Variants in PSMD8 observed in about 807,000 individuals in gnomAD.
PSMD8 encodes proteasome 26S subunit, non-ATPase 8, also known as 26S proteasome non-ATPase regulatory subunit 8.
Under a neutral mutation model 40.0 loss-of-function variants are expected in PSMD8, and 30 were observed. That is an observed-to-expected ratio of 0.75 (90% CI 0.56 to 1.02). The LOEUF (loss-of-function observed/expected upper bound fraction) is 1.02. PSMD8 is among the 50% of genes least tolerant of loss of function. The pLI, the probability that PSMD8 is intolerant of heterozygous loss-of-function variation, is 0.00. For synonymous variants in PSMD8, 208 were observed against 192.5 expected, an observed-to-expected ratio of 1.08 and a Z score of -0.67; for missense variants, 461 against 463.9, an observed-to-expected ratio of 0.99 and a Z score of 0.06.
At position 38,379,414 on chromosome 19, in the gene PSMD8, G is replaced by A. The variant is rs760574213; in HGVS notation, c.702+9G>A. On this transcript the variant is annotated intron_variant, in intron 4 of 6. Transcript: ENST00000215071. Reference sequence around the variant, plus strand: ...CAGTGTCCCTGGAGCAAGTGAGATGGCAAGGGGCAGGGGAGGACCTGGCCA... The same window carrying A: ...CAGTGTCCCTGGAGCAAGTGAGATGACAAGGGGCAGGGGAGGACCTGGCCA... The A allele has an allele frequency of 4.8e-5, 78 of 1,613,606 alleles. No homozygotes were observed. Among genetic ancestry groups the A allele is most frequent in the Non-Finnish European group, 6.1e-5 (72 of 1,179,800 alleles).
At chr19:38,375,792 C>T (rs1489395385) in intron 1 of PSMD8, among the ~76,000 whole-genome samples, 2 of 152,082 alleles carry the variant, frequency 1.3e-5, no homozygotes, top group Non-Finnish European at 2.9e-5. Context: ...ATTTGGACCT[C>T]CCCCTCCCAG....
At chr19:38,378,182 C>T (rs949975291) in intron 3 of PSMD8, among the ~76,000 whole-genome samples, 10 of 152,058 alleles carry the variant, frequency 6.6e-5, no homozygotes, top group African/African-American at 2.2e-4. Context: ...GCCAACATGG[C>T]GAAATCCTGT....
intron 4 of PSMD8, 111 bp downstream of exon 4, chr19:38,379,516 G>A (rs536617810): frequency 2.5e-5 from 30 of 1,184,386 alleles, no homozygotes; most frequent in South Asian, 5.7e-5. Context: ...TTCCACCCAC[G>A]GACCCATCCT....
Position 38,374,627 on chromosome 19 carries a change from G to C in PSMD8, c.26G>C (p.Arg9Thr). 1 of 1,505,430 alleles carries C rather than the reference G, an allele frequency of 6.6e-7. No homozygotes were observed. The highest frequency in any genetic ancestry group is 8.8e-7 in the Non-Finnish European group (1 of 1,134,024). The allele number at this position is 1,505,430 out of a possible 1,614,324, so 93.3% of individuals were successfully genotyped here. The change falls in exon 1 of 7, where the codon AGG becomes ACG. Residue 9 changes from arginine to threonine, a missense_variant. Arg to Thr is a moderately conservative substitution (Grantham distance 71). Around this residue, in one of 2 missense-constraint regions of PSMD8, gnomAD observed 225 missense variants for 142.7 expected, o/e 1.58. Transcript: ENST00000215071. ...ATGTTCATTAAGGGCAGGGCTCCGAGGGCGCCACCTCGAGAGCGACGGCGG... is the reference window on the plus strand; with the variant it reads ...ATGTTCATTAAGGGCAGGGCTCCGACGGCGCCACCTCGAGAGCGACGGCGG... MFIKGRAPRAPPRERRRAT... is the reference protein window; with the variant it reads MFIKGRAPTAPPRERRRAT...
At chr19:38,375,267 A>C in intron 1 of PSMD8, 1 of 363,994 alleles carries the variant, frequency 2.7e-6, no homozygotes, top group Non-Finnish European at 5.0e-6. Flanking sequence ...ACATAGCGAG[A>C]CTCTGTCTCT....
At chr19:38,374,985 C>G in intron 1 of PSMD8, 24 bp downstream of exon 1, 1 of 1,541,486 alleles carries the variant, frequency 6.5e-7, no homozygotes, top group Non-Finnish European at 8.7e-7. Context: ...GCCCAGGAAA[C>G]CGAGTGTTGC....
At chr19:38,375,050 AG>A in intron 1 of PSMD8, 89 bp downstream of exon 1, 1 of 1,505,104 alleles carries the variant, frequency 6.6e-7, no homozygotes, top group South Asian at 1.3e-5. Flanking sequence ...GGGCCGCGGA[AG>A]CCACCTCGGT....
At chr19:38,380,176 C>T (rs1386710838) in intron 4 of PSMD8, among the ~76,000 whole-genome samples, 1 of 151,452 alleles carries the variant, frequency 6.6e-6, no homozygotes, top group East Asian at 2.0e-4. Flanking sequence ...ATCCCAGCTA[C>T]TCGGGAGGCT....
At chr19:38,383,096 G>A (rs527530765) in intron 6 of PSMD8, among the ~76,000 whole-genome samples, 157 bp from the exon 7 acceptor site, 2 of 152,220 alleles carry the variant, frequency 1.3e-5, no homozygotes, top group South Asian at 2.1e-4. Context: ...GAGAAACTGA[G>A]GCACAGAGAG....
chr19:38,382,150 C>T lies in PSMD8; in HGVS notation c.837C>T (p.Tyr279=), dbSNP rs573717293. ...TCGCTGGGTGCATCGAGAAGGCCTACGAGAAAATCCTTTTCACTGAGGCCA... is the reference window on the plus strand; with the variant it reads ...TCGCTGGGTGCATCGAGAAGGCCTATGAGAAAATCCTTTTCACTGAGGCCA... ...DEIAGCIEKA[Y]EKILFTEATR... is the part of the protein sequence containing the mutation. The change falls in exon 6 of 7, where the codon TAC becomes TAT. Residue 279 remains tyrosine (Y), a synonymous_variant. Coordinates refer to ENST00000215071, the MANE Select transcript of PSMD8 (RefSeq NM_002812.5). 2.2e-5 allele frequency: 35 copies of T among 1,587,272 alleles called. No homozygotes were observed. Among genetic ancestry groups the T allele is most frequent in the Admixed American group, 1.4e-4 (8 of 55,724 alleles).
chr19:38,377,293 G>A (rs547474093), intron 3 of PSMD8, among the ~76,000 whole-genome samples: 137 of 149,972 alleles, frequency 9.1e-4, no homozygotes, highest in African/African-American at 3.2e-3. Context: ...GGCTCAAGCG[G>A]TACTCCTACC....
chr19:38,379,499 C>T, intron 4 of PSMD8, 94 bp downstream of exon 4: 1 of 1,368,560 alleles, frequency 7.3e-7, no homozygotes, highest in Non-Finnish European at 1.0e-6. Context: ...CCAGGGTTCA[C>T]CCATCTTTCC....
chr19:38,376,564 C>T, intron 3 of PSMD8, 110 bp downstream of exon 3: 1 of 973,312 alleles, frequency 1.0e-6, no homozygotes, highest in Non-Finnish European at 1.6e-6. Context: ...CTCCTCCTGG[C>T]TTAGTTCTCT....
chr19:38,377,889 C>T (rs571557486), intron 3 of PSMD8, among the ~76,000 whole-genome samples: 2 of 152,344 alleles, frequency 1.3e-5, no homozygotes, highest in East Asian at 1.9e-4. Context: ...ATCCACCCGC[C>T]TCGGCCTCCC....
chr19:38,377,791 G>A (rs570149098), intron 3 of PSMD8, among the ~76,000 whole-genome samples: 4 of 152,022 alleles, frequency 2.6e-5, no homozygotes, highest in Admixed American at 1.3e-4. Context: ...AGGTGCCCAC[G>A]ACCACGCCCA....
At chr19:38,379,513 C>T in intron 4 of PSMD8, 108 bp downstream of exon 4, 2 of 1,211,278 alleles carry the variant, frequency 1.7e-6, no homozygotes, top group Non-Finnish European at 2.3e-6. Flanking sequence ...TCTTTCCACC[C>T]ACGGACCCAT....
chr19:38,376,585 G>A (rs1325479471), intron 3 of PSMD8, 131 bp downstream of exon 3: 1 of 813,748 alleles, frequency 1.2e-6, no homozygotes, highest in South Asian at 1.7e-5. Context: ...CCTCAGTGGT[G>A]CAGGGTCAGG....
chr19:38,380,896 C>T lies in PSMD8; in HGVS notation c.703-3C>T. The T allele has an allele frequency of 2.6e-6, 4 of 1,566,558 alleles. No individual in the cohort carries two copies. Among genetic ancestry groups the T allele is most frequent in the East Asian group, 2.4e-5 (1 of 42,492 alleles). On this transcript the variant is annotated splice_polypyrimidine_tract_variant and splice_region_variant and intron_variant, in intron 4 of 6. Transcript: ENST00000215071. ...TCTTCTTCCCCCTTCCCGGCTTCTG[C>T]AGTACCTGATGGAGGGCAGCTACAA...
Position 38,383,246 on chromosome 19 carries a change from C to A in PSMD8, c.916-7C>A, listed in dbSNP as rs966849967. The A allele has an allele frequency of 6.2e-7, 1 of 1,612,326 alleles. No individual in the cohort carries two copies. The highest frequency in any genetic ancestry group is 1.3e-5 in the African/African-American group (1 of 74,846). On this transcript the variant is annotated splice_polypyrimidine_tract_variant and splice_region_variant and intron_variant, in intron 6 of 6. Transcript: ENST00000215071. ...TCTACTCGTCTCTAATCCCTCCTTT[C>A]CTGCAGCGAGGGTGGGTCCTGGGCC...
Sources: gnomAD v4.1 joint callset for allele counts (sites outside exome capture counted in the v4.1 genomes callset) on GRCh38, gnomAD v4.1.1 for gene constraint, gnomAD v4.1.1 regional missense constraint, MANE v1.5 for transcripts, NCBI Gene and HGNC (gene_info 2026-07-23, HGNC 2026-07-21) for gene names.